Variants in NCOR2 observed in about 807,000 individuals in gnomAD.
The protein encoded by NCOR2 is nuclear receptor corepressor 2, also known as CTG repeat protein 26.
NCOR2 carries 81 observed loss-of-function variants against 262.9 expected under a neutral mutation model. The observed-to-expected ratio is 0.31, with a 90% CI of 0.26 to 0.37. The LOEUF is 0.37. NCOR2 is among the 10% of genes least tolerant of loss of function. The pLI is 1.00. For missense variants in NCOR2, 3,385 were observed against 3,621.4 expected, an observed-to-expected ratio of 0.93 and a Z score of 1.68; for synonymous variants, 1,659 against 1,559.3, an observed-to-expected ratio of 1.06 and a Z score of -1.51.
intron 5 of NCOR2, among the ~76,000 whole-genome samples, chr12:124,462,845 G>A (rs186326159): frequency 9.4e-4 from 143 of 152,306 alleles, no homozygotes; most frequent in Admixed American, 1.5e-3. Context: ...CACACACTGA[G>A]TCCTAATCAC....
At chr12:124,435,605 T>C (rs1159045068) in intron 8 of NCOR2, among the ~76,000 whole-genome samples, 1 of 152,126 alleles carries the variant, frequency 6.6e-6, no homozygotes, top group Non-Finnish European at 1.5e-5. Flanking sequence ...CAGCCCCTCC[T>C]TCCAAAGCCA....
exon 16 of NCOR2, chr12:124,398,122 T>C (rs1293784699): frequency 6.2e-7 from 1 of 1,614,062 alleles, no homozygotes; most frequent in African/African-American, 1.3e-5. Flanking sequence ...CCCTCACCTT[T>C]CTTGGCTGTT....
intron 41 of NCOR2, among the ~76,000 whole-genome samples, chr12:124,333,648 G>A (rs1593087364): frequency 8.9e-6 from 1 of 112,652 alleles, no homozygotes; most frequent in Non-Finnish European, 1.9e-5. Flanking sequence ...GTCTGTCCTC[G>A]CACACACATT....
chr12:124,512,851 C>A (rs561687823), intron 1 of NCOR2, among the ~76,000 whole-genome samples: 71 of 152,334 alleles, frequency 4.7e-4, no homozygotes, highest in Middle Eastern at 3.4e-3. Flanking sequence ...CACGCCCACG[C>A]CTCTCGGCCG....
exon 13 of NCOR2, chr12:124,419,991 A>T (rs1489066227): frequency 6.2e-7 from 1 of 1,613,890 alleles, no homozygotes; most frequent in Non-Finnish European, 8.5e-7. Context: ...GCTCCGTCTC[A>T]CCAGGCTCTT....
chr12:124,353,013 C>T (rs981365380), intron 27 of NCOR2, among the ~76,000 whole-genome samples: 7 of 152,230 alleles, frequency 4.6e-5, no homozygotes, highest in Non-Finnish European at 7.3e-5. Flanking sequence ...CGCTGACTTC[C>T]TCACTATCTG....
intron 1 of NCOR2, among the ~76,000 whole-genome samples, 185 bp downstream of exon 3, chr12:124,494,962 A>G (rs1032075424): frequency 4.6e-5 from 7 of 151,938 alleles, no homozygotes; most frequent in Admixed American, 4.6e-4. Context: ...GAGCAAAGAG[A>G]TTTTATCAGA....
chr12:124,438,587 G>A (rs926112514), intron 7 of NCOR2, among the ~76,000 whole-genome samples: 2 of 152,124 alleles, frequency 1.3e-5, no homozygotes, highest in East Asian at 3.9e-4. Context: ...TCAGGGCAGG[G>A]CCCATGGGGT....
At chr12:124,333,318 C>G (rs757606448) in intron 41 of NCOR2, 39 bp from the exon 44 acceptor site, 2 of 1,514,726 alleles carry the variant, frequency 1.3e-6, no homozygotes, top group South Asian at 2.6e-5. Context: ...TCAGAGGTCT[C>G]CCTACTGAGG....
chr12:124,463,295 TG>T (rs1272750042), intron 5 of NCOR2, among the ~76,000 whole-genome samples: 2 of 152,348 alleles, frequency 1.3e-5, no homozygotes, highest in Non-Finnish European at 2.9e-5. Flanking sequence ...GCCTGTGCCA[TG>T]CCCCCTCACC....
At chr12:124,490,898 G>C (rs1023309870) in intron 1 of NCOR2, among the ~76,000 whole-genome samples, 3 of 152,256 alleles carry the variant, frequency 2.0e-5, no homozygotes, top group Non-Finnish European at 2.9e-5. Flanking sequence ...GACTGGGCCT[G>C]GCTGAGCCCC....
At chr12:124,475,168 G>A (rs1377195431) in intron 3 of NCOR2, among the ~76,000 whole-genome samples, 1 of 152,134 alleles carries the variant, frequency 6.6e-6, no homozygotes, top group African/African-American at 2.4e-5. Flanking sequence ...ACAACCCGGT[G>A]CTCCCTCCAC....
exon 20 of NCOR2, chr12:124,372,322 G>C (rs769939333): frequency 6.6e-7 from 1 of 1,525,858 alleles, no homozygotes; most frequent in Non-Finnish European, 8.8e-7. Flanking sequence ...CTCCTCCACT[G>C]GGGGCGCTGC....
At chr12:124,502,116 C>T (rs1307761328) in intron 1 of NCOR2, among the ~76,000 whole-genome samples, 1 of 152,218 alleles carries the variant, frequency 6.6e-6, no homozygotes, top group Non-Finnish European at 1.5e-5. Flanking sequence ...GCTCAGGAAT[C>T]CAGCTCTGGA....
chr12:124,369,441 C>T (rs572567783), intron 20 of NCOR2, among the ~76,000 whole-genome samples: 78 of 152,198 alleles, frequency 5.1e-4, no homozygotes, highest in African/African-American at 1.8e-3. Context: ...TGATACTGGG[C>T]GGGCAGCCAG....
intron 16 of NCOR2, among the ~76,000 whole-genome samples, chr12:124,388,278 G>T (rs2040965883): frequency 6.6e-6 from 1 of 152,208 alleles, no homozygotes; most frequent in Admixed American, 6.5e-5. Flanking sequence ...GGGCTGCGGG[G>T]TAGGGGCAGG....
exon 45 of NCOR2, chr12:124,327,600 T>C: frequency 6.2e-7 from 1 of 1,612,080 alleles, no homozygotes; most frequent in South Asian, 1.1e-5. Context: ...GCTGGCATGT[T>C]CCTGCACCGC....
chr12:124,483,889 G>A lies in NCOR2; in HGVS notation c.234-116C>T. 8.0e-7 allele frequency: 1 copy of A among 1,248,348 alleles called. No individual in the cohort carries two copies. Among genetic ancestry groups the A allele is most frequent in the Non-Finnish European group, 1.1e-6 (1 of 945,900 alleles). 77.3% of individuals were successfully genotyped at this position (1,248,348 alleles called of 1,614,324 possible). ...TGCGCGCCGTGCTCTGTATGATCCTGCCAGGAAGGTGCTCACAGGAGCCCA... is the reference window on the plus strand; with the variant it reads ...TGCGCGCCGTGCTCTGTATGATCCTACCAGGAAGGTGCTCACAGGAGCCCA... On this transcript the variant is annotated intron_variant, in intron 2 of 46. Transcript: ENST00000405201. This position sits in a 1 kb window ranked among gnomAD's most constrained non-coding sequence, Gnocchi z 6.3.
At chr12:124,562,305 C>CG (rs2052097881) in intron 1 of NCOR2, 1 of 152,226 alleles carries the variant, frequency 6.6e-6, no homozygotes, top group Non-Finnish European at 1.5e-5. Context: ...CTCCCATCAC[C>CG]GCAGGAGTTC....
Sources: gnomAD v4.1 joint callset for allele counts (sites outside exome capture counted in the v4.1 genomes callset) on GRCh38, gnomAD v4.1.1 for gene constraint, Gnocchi (gnomAD v3.1) non-coding constraint, MANE v1.5 for transcripts, NCBI Gene and HGNC (gene_info 2026-07-23, HGNC 2026-07-21) for gene names.